VWA3B: variants seen among roughly 807,000 people sequenced by gnomAD.
VWA3B encodes von Willebrand factor A domain containing 3B.
VWA3B carries 138 observed loss-of-function variants against 158.3 expected under a neutral mutation model. The ratio of observed to expected loss-of-function variants is 0.87; its 90% CI spans 0.76 to 1.00. VWA3B has a LOEUF of 1.00. Among genes scored for constraint, VWA3B ranks in the 50% least tolerant of loss-of-function variants. The pLI is 0.00. For synonymous variants in VWA3B, 596 were observed against 587.3 expected, an observed-to-expected ratio of 1.01 and a Z score of -0.21; for missense variants, 1,555 against 1,565.1, an observed-to-expected ratio of 0.99 and a Z score of 0.11.
intron 17 of VWA3B, 33 bp downstream of exon 17, chr2:98,234,800 C>G: frequency 6.2e-7 from 1 of 1,613,606 alleles, no homozygotes; most frequent in South Asian, 1.1e-5. Context: ...GGCCAACCAG[C>G]CTCCCTTTCC....
chr2:98,136,532 G>A (rs1448308100), intron 7 of VWA3B, among the ~76,000 whole-genome samples: 1 of 151,878 alleles, frequency 6.6e-6, no homozygotes, highest in Admixed American at 6.6e-5. Flanking sequence ...CTTCCAAGAC[G>A]GTGCCTTGCT....
At chr2:98,275,362 T>C (rs897614461) in intron 22 of VWA3B, among the ~76,000 whole-genome samples, 1 of 152,076 alleles carries the variant, frequency 6.6e-6, no homozygotes, top group African/African-American at 2.4e-5. Flanking sequence ...GTCTGGAGTT[T>C]AGGAGAGAGG....
At chr2:98,232,052 C>A (rs559242052) in intron 16 of VWA3B, among the ~76,000 whole-genome samples, 56 of 152,240 alleles carry the variant, frequency 3.7e-4, no homozygotes, top group African/African-American at 1.2e-3. Flanking sequence ...CTCTTCTATT[C>A]CTGGGAGAAA....
Position 98,312,435 on chromosome 2 carries a change from C to A in VWA3B, c.*86C>A. Reference sequence around the variant, plus strand: ...GCGTTGACACTGAAACTGGCCCCTCCGCGGAGGTAAGGCCGCCCTCCGCGC... The same window carrying A: ...GCGTTGACACTGAAACTGGCCCCTCAGCGGAGGTAAGGCCGCCCTCCGCGC... On this transcript the variant is annotated 3_prime_UTR_variant, in exon 28 of 28. Transcript: ENST00000477737. 1 of 1,502,278 alleles carries A rather than the reference C, an allele frequency of 6.7e-7. No individual in the cohort carries two copies. The allele number at this position is 1,502,278 out of a possible 1,614,324, so 93.1% of individuals were successfully genotyped here.
intron 2 of VWA3B, among the ~76,000 whole-genome samples, chr2:98,099,597 C>G (rs1043964380): frequency 6.6e-6 from 1 of 152,006 alleles, no homozygotes; most frequent in African/African-American, 2.4e-5. Context: ...GACTTTTGAC[C>G]TTTCTGTAAC....
At chr2:98,255,963 G>A (rs918104685) in intron 20 of VWA3B, among the ~76,000 whole-genome samples, 161 bp from the exon 21 acceptor site, 2 of 152,158 alleles carry the variant, frequency 1.3e-5, no homozygotes, top group African/African-American at 4.8e-5. Context: ...CTGCTGCAGT[G>A]ATGCTGAGGT....
intron 8 of VWA3B, among the ~76,000 whole-genome samples, chr2:98,165,627 G>T (rs1000840952): frequency 6.6e-6 from 1 of 151,992 alleles, no homozygotes; most frequent in Non-Finnish European, 1.5e-5. Flanking sequence ...GGGAGAGAGA[G>T]GTTGAGGCAT....
At chr2:98,208,571 G>A (rs936737147) in intron 12 of VWA3B, among the ~76,000 whole-genome samples, 5 of 152,112 alleles carry the variant, frequency 3.3e-5, no homozygotes, top group East Asian at 1.9e-4. Context: ...ATACATATAT[G>A]TAACTTATCA....
intron 8 of VWA3B, among the ~76,000 whole-genome samples, chr2:98,176,372 T>C (rs1680018845): frequency 6.9e-6 from 1 of 145,076 alleles, no homozygotes; most frequent in African/African-American, 2.6e-5. Flanking sequence ...GGTCACTCAG[T>C]CTAAATTTCC....
chr2:98,293,628 T>C (rs933818127), intron 23 of VWA3B, among the ~76,000 whole-genome samples: 1 of 152,190 alleles, frequency 6.6e-6, no homozygotes, highest in East Asian at 1.9e-4. Context: ...ATTCTCTCTT[T>C]CATACATATA....
intron 12 of VWA3B, among the ~76,000 whole-genome samples, chr2:98,203,512 T>C (rs1279647622): frequency 6.6e-6 from 1 of 152,270 alleles, no homozygotes; most frequent in African/African-American, 2.4e-5. Context: ...CCTATAGATC[T>C]AATTAGGAAG....
chr2:98,200,747 A>G (rs760751671), intron 12 of VWA3B, among the ~76,000 whole-genome samples: 35 of 152,326 alleles, frequency 2.3e-4, no homozygotes, highest in Non-Finnish European at 4.4e-4. Context: ...CCATAGCTAA[A>G]CACATTGCAG....
chr2:98,158,610 G>C (rs966007217), intron 7 of VWA3B, among the ~76,000 whole-genome samples: 9 of 152,142 alleles, frequency 5.9e-5, no homozygotes, highest in Non-Finnish European at 1.0e-4. Context: ...CTAATGGTGC[G>C]GCCCGAGCGT....
chr2:98,144,592 A>G (rs570485889), intron 7 of VWA3B, among the ~76,000 whole-genome samples: 1 of 148,570 alleles, frequency 6.7e-6, no homozygotes, highest in African/African-American at 2.5e-5. Flanking sequence ...ATTGAAATGG[A>G]GTCTTGCTCT....
Position 98,091,385 on chromosome 2 carries a change from G to A in VWA3B, c.-32-1676G>A, listed in dbSNP as rs149994608. ...GTATGAAGAAGCTGTGAGCTAGTGCGTATAAAAGGACCAACAAATGGAAGT... is the reference window on the plus strand; with the variant it reads ...GTATGAAGAAGCTGTGAGCTAGTGCATATAAAAGGACCAACAAATGGAAGT... On this transcript the variant is annotated intron_variant, in intron 1 of 27. Coordinates refer to ENST00000477737, the MANE Select transcript of VWA3B (RefSeq NM_144992.5). Among the ~76,000 whole-genome samples the A allele has an allele frequency of 3.6e-4, 55 of 152,274 alleles. No individual in the cohort carries two copies. The East Asian group carries it at 0.01, about 28-fold the overall frequency.
chr2:98,213,720 G>GT (rs1380136860), intron 13 of VWA3B, among the ~76,000 whole-genome samples: 1 of 152,186 alleles, frequency 6.6e-6, no homozygotes, highest in East Asian at 1.9e-4. Context: ...GAGTGCATGG[G>GT]TGTCTAGAAG....
intron 22 of VWA3B, among the ~76,000 whole-genome samples, chr2:98,288,549 A>G (rs11124150): frequency 0.61 from 93,196 of 151,978 alleles, 28,990 homozygotes; most frequent in Non-Finnish European, 0.66. Flanking sequence ...GAAAATAAAG[A>G]CATTCTCTTC....
chr2:98,255,483 T>C (rs933771704), intron 20 of VWA3B, among the ~76,000 whole-genome samples: 2 of 151,970 alleles, frequency 1.3e-5, no homozygotes, highest in South Asian at 2.1e-4. Flanking sequence ...CACTGATTAG[T>C]AGCCAAAAGA....
chr2:98,118,287 T>C (rs1045379905), intron 3 of VWA3B, among the ~76,000 whole-genome samples: 6 of 151,986 alleles, frequency 3.9e-5, no homozygotes, highest in Non-Finnish European at 8.8e-5. Context: ...TAAGGGGCCA[T>C]GAGAAGCCTC....
Sources: gnomAD v4.1 joint callset for allele counts (sites outside exome capture counted in the v4.1 genomes callset) on GRCh38, gnomAD v4.1.1 for gene constraint, MANE v1.5 for transcripts, NCBI Gene and HGNC (gene_info 2026-07-23, HGNC 2026-07-21) for gene names.